Variants in CUX1 observed in about 807,000 individuals in gnomAD.
CUX1 encodes cut like homeobox 1.
In CUX1, 31 loss-of-function variants were observed where a neutral mutation model predicts 158.8. The observed-to-expected ratio is 0.20, with a 90% CI of 0.15 to 0.26. The LOEUF (loss-of-function observed/expected upper bound fraction) is 0.26. Among genes scored for constraint, CUX1 ranks in the 10% least tolerant of loss-of-function variants. The pLI is 1.00. For synonymous variants in CUX1, 879 were observed against 862.1 expected (o/e 1.02, Z -0.34); for missense variants, 1,589 against 2,014.6 (o/e 0.79, Z 4.04).
chr7:101,962,137 A>T (rs1270146367), intron 2 of CUX1, among the ~76,000 whole-genome samples: 1 of 152,138 alleles, frequency 6.6e-6, no homozygotes, highest in Non-Finnish European at 1.5e-5. Flanking sequence ...AATATAAACT[A>T]ACAGTAACAG....
At chr7:102,169,469 G>A (rs901214192) in intron 9 of CUX1, among the ~76,000 whole-genome samples, 3 of 152,320 alleles carry the variant, frequency 2.0e-5, no homozygotes, top group African/African-American at 7.2e-5. Context: ...CATGTCATTC[G>A]CCACCATCTC....
At chr7:101,975,176 G>A (rs1380842732) in intron 2 of CUX1, among the ~76,000 whole-genome samples, 5 of 151,996 alleles carry the variant, frequency 3.3e-5, no homozygotes, top group Non-Finnish European at 7.4e-5. Flanking sequence ...CCTTGAACCC[G>A]AGAGATGGAG....
At chr7:101,890,837 C>T (rs1800805327) in intron 1 of CUX1, among the ~76,000 whole-genome samples, 1 of 152,290 alleles carries the variant, frequency 6.6e-6, no homozygotes, top group Middle Eastern at 3.4e-3. Flanking sequence ...TCTCCTGCTT[C>T]TCACTTTACA....
chr7:102,183,504 A>C (rs1793336532), intron 11 of CUX1, among the ~76,000 whole-genome samples: 1 of 152,172 alleles, frequency 6.6e-6, no homozygotes, highest in Non-Finnish European at 1.5e-5. Context: ...CAGCATCAGC[A>C]GAACCTAAAT....
At chr7:102,008,639 TC>T (rs1489539259) in intron 2 of CUX1, among the ~76,000 whole-genome samples, 1 of 151,974 alleles carries the variant, frequency 6.6e-6, no homozygotes, top group Non-Finnish European at 1.5e-5. Flanking sequence ...GAACCCCAGG[TC>T]CCCAGCCTGT....
intron 2 of CUX1, among the ~76,000 whole-genome samples, chr7:102,001,018 A>G (rs1816621739): frequency 1.3e-5 from 2 of 152,012 alleles, no homozygotes; most frequent in African/African-American, 4.8e-5. Flanking sequence ...GCCTCAAGTA[A>G]TCATCCCACC....
chr7:101,876,497 C>G (rs898155794), intron 1 of CUX1, among the ~76,000 whole-genome samples: 5 of 151,318 alleles, frequency 3.3e-5, no homozygotes, highest in Non-Finnish European at 2.9e-5. Context: ...GAGATCGAGA[C>G]CATCCTGGCC....
chr7:102,220,733 C>T (rs1194166925), intron 20 of CUX1, among the ~76,000 whole-genome samples: 1 of 152,190 alleles, frequency 6.6e-6, no homozygotes, highest in Non-Finnish European at 1.5e-5. Context: ...CCATCCCTCC[C>T]TCGGGCTCTC....
chr7:102,248,708 C>T lies in CUX1; in HGVS notation c.4184C>T (p.Pro1395Leu), dbSNP rs1318606300. 4 of 1,224,598 alleles carry T rather than the reference C, an allele frequency of 3.3e-6. No individual in the cohort carries two copies. Among genetic ancestry groups the T allele is most frequent in the South Asian group, 2.0e-5 (1 of 49,352 alleles). The allele number at this position is 1,224,598 out of a possible 1,614,324, so 75.9% of individuals were successfully genotyped here. A position where few individuals can be genotyped will look rare whatever the true frequency, so the allele number is the denominator to read the frequency against. ...CGCGACGACGACCACGAGGGAGGCCCCGTGGAAGGCCCGGGGCCCCTGCCC... is the reference window on the plus strand; with the variant it reads ...CGCGACGACGACCACGAGGGAGGCCTCGTGGAAGGCCCGGGGCCCCTGCCC... ...DARDDDHEGG[P>L]VEGPGPLPSP... Residue 1395 changes from proline to leucine, a missense_variant, in exon 24 of 24, where the codon CCC becomes CTC. Pro to Leu is a moderately conservative substitution (Grantham distance 98, BLOSUM62 -3). Transcript: ENST00000292535. The surrounding 1 kb of genome is among the most constrained non-coding windows in gnomAD (Gnocchi z 5.8).
intron 18 of CUX1, among the ~76,000 whole-genome samples, chr7:102,278,812 G>GT (rs1586534919): frequency 6.6e-6 from 1 of 151,642 alleles, no homozygotes; most frequent in Admixed American, 6.6e-5. Context: ...TCCCAGCACC[G>GT]TGAGAGGCCG....
At chr7:101,985,750 C>G (rs1482638239) in intron 2 of CUX1, among the ~76,000 whole-genome samples, 1 of 152,194 alleles carries the variant, frequency 6.6e-6, no homozygotes, top group Non-Finnish European at 1.5e-5. Context: ...ACACTGAGCC[C>G]AGTGCCGGGT....
intron 4 of CUX1, among the ~76,000 whole-genome samples, chr7:102,080,383 A>G (rs782805847): frequency 6.6e-6 from 1 of 152,110 alleles, no homozygotes; most frequent in Non-Finnish European, 1.5e-5. Context: ...CCTGAATTCC[A>G]GTTGATTTTC....
intron 7 of CUX1, among the ~76,000 whole-genome samples, chr7:102,112,240 CTCT>C (rs1375449866): frequency 1.5e-5 from 2 of 131,426 alleles, no homozygotes; most frequent in African/African-American, 2.9e-5. Context: ...CTTTCTCTCT[CTCT>C]TTTTTTTTTT....
At chr7:102,136,443 G>A (rs1318735352) in intron 8 of CUX1, among the ~76,000 whole-genome samples, 2 of 151,130 alleles carry the variant, frequency 1.3e-5, no homozygotes, top group Admixed American at 1.3e-4. Context: ...CCATGCTGGA[G>A]TGCAGTGGCA....
rs186065904 is a variant in CUX1, at chr7:101,825,585, C to T, written c.30+7916C>T. ...AGCCCTGGTCCCGCAGTTTGTCATC[C>T]CGCAGTTTGTCAGCATCGATGTGGG... On this transcript the variant is annotated intron_variant, in intron 1 of 23. Coordinates refer to ENST00000292535, the MANE Select transcript of CUX1 (RefSeq NM_181552.4). 1.2e-4 allele frequency among the ~76,000 whole-genome samples: 18 copies of T among 152,262 alleles called. No homozygotes were observed. In the East Asian group the frequency reaches 3.3e-3, roughly 28 times the overall value.
intron 7 of CUX1, 90 bp downstream of exon 7, chr7:102,111,864 T>G: frequency 7.9e-6 from 9 of 1,139,638 alleles, no homozygotes; most frequent in African/African-American, 1.5e-5. Flanking sequence ...TCCCCGCGGA[T>G]ACCTGTTGCT....
At position 101,892,899 on chromosome 7, in the gene CUX1, T is replaced by C. The variant is rs564941135; in HGVS notation, c.31-23216T>C. ...ATAGGGAAAACGTTTCCAGAAACCC[T>C]TTCTCTTTTTCCTTCTTCAGACAGC... On this transcript the variant is annotated intron_variant, in intron 1 of 23. Transcript: ENST00000292535. Among the ~76,000 whole-genome samples the C allele has an allele frequency of 2.0e-5, 3 of 152,114 alleles. No individual in the cohort carries two copies. The South Asian group carries it at 6.2e-4, about 31-fold the overall frequency.
chr7:102,111,241 T>G (rs1285374374), intron 6 of CUX1, among the ~76,000 whole-genome samples: 1 of 152,194 alleles, frequency 6.6e-6, no homozygotes, highest in Non-Finnish European at 1.5e-5. Context: ...GCAGTTGCGT[T>G]TGCATTCCAT....
chr7:101,945,622 A>G (rs191556451), intron 2 of CUX1, among the ~76,000 whole-genome samples: 14 of 152,314 alleles, frequency 9.2e-5, no homozygotes, highest in African/African-American at 2.6e-4. Flanking sequence ...TGAGAGCCCA[A>G]TGCAGGTCCT....
Sources: allele counts gnomAD v4.1 joint callset (sites outside exome capture counted in the v4.1 genomes callset), GRCh38; gene constraint gnomAD v4.1.1; non-coding constraint Gnocchi (gnomAD v3.1); transcripts MANE v1.5; gene names NCBI Gene and HGNC (gene_info 2026-07-23, HGNC 2026-07-21).